Variants in MYOF observed in about 807,000 individuals in gnomAD.
The protein encoded by MYOF is myoferlin, also known as fer-1-like 3, myoferlin.
In MYOF, 244 loss-of-function variants were observed where a neutral mutation model predicts 284.2. That is an observed-to-expected ratio of 0.86 (90% CI 0.77 to 0.95). MYOF has a LOEUF of 0.95. Ranked by LOEUF, MYOF falls within the 40% of genes least tolerant of loss-of-function variation. MYOF has a pLI of 0.00. For missense variants in MYOF, 2,496 were observed against 2,560.6 expected (o/e 0.97, Z 0.54); for synonymous variants, 904 against 919.7 (o/e 0.98, Z 0.31).
At chr10:93,481,767 G>GA (rs202242571) in intron 1 of MYOF, among the ~76,000 whole-genome samples, 24 of 152,240 alleles carry the variant, frequency 1.6e-4, no homozygotes, top group East Asian at 3.9e-4. Context: ...CACAGGCAGA[G>GA]AAAAAATGCA....
intron 48 of MYOF, among the ~76,000 whole-genome samples, chr10:93,321,855 A>G (rs1289132598): frequency 6.6e-6 from 1 of 152,192 alleles, no homozygotes; most frequent in African/African-American, 2.4e-5. Context: ...AGCACTAGGC[A>G]TGGTATTTAT....
At chr10:93,356,245 G>A (rs544336742) in intron 30 of MYOF, among the ~76,000 whole-genome samples, 77 of 152,076 alleles carry the variant, frequency 5.1e-4, no homozygotes, top group Middle Eastern at 3.4e-3. Context: ...ATGTTCTTCC[G>A]TATTGCTCTC....
At chr10:93,439,015 A>C (rs2134249711) in intron 3 of MYOF, among the ~76,000 whole-genome samples, 1 of 152,306 alleles carries the variant, frequency 6.6e-6, no homozygotes, top group African/African-American at 2.4e-5. Flanking sequence ...CCTGGCTGGC[A>C]CAAGTCTCGC....
chr10:93,417,050 C>T (rs927658824), intron 5 of MYOF, among the ~76,000 whole-genome samples: 1 of 152,188 alleles, frequency 6.6e-6, no homozygotes, highest in Non-Finnish European at 1.5e-5. Flanking sequence ...GATAGTGGAG[C>T]CAATGCTCAA....
chr10:93,317,770 A>G (rs747515347), intron 49 of MYOF, among the ~76,000 whole-genome samples: 1 of 152,240 alleles, frequency 6.6e-6, no homozygotes, highest in Non-Finnish European at 1.5e-5. Flanking sequence ...ATTGCCTCAG[A>G]CAATGTTAAC....
At chr10:93,463,383 C>T (rs184150428) in intron 1 of MYOF, among the ~76,000 whole-genome samples, 12 of 142,434 alleles carry the variant, frequency 8.4e-5, no homozygotes, top group South Asian at 4.6e-4. Flanking sequence ...AGTGAGACTT[C>T]GTCTCTACAA....
intron 5 of MYOF, among the ~76,000 whole-genome samples, chr10:93,418,649 T>G (rs1312048624): frequency 1.3e-5 from 2 of 152,236 alleles, no homozygotes; most frequent in Non-Finnish European, 2.9e-5. Flanking sequence ...AATGTACGAC[T>G]GCAGCGTTTC....
chr10:93,365,701 C>T (rs777044346), intron 26 of MYOF, among the ~76,000 whole-genome samples: 17 of 152,180 alleles, frequency 1.1e-4, no homozygotes, highest in Middle Eastern at 3.2e-3. Context: ...TCTTGTGTTT[C>T]TGCGCATCTT....
chr10:93,450,317 A>G (rs2056555131), intron 3 of MYOF, among the ~76,000 whole-genome samples: 1 of 152,226 alleles, frequency 6.6e-6, no homozygotes, highest in East Asian at 1.9e-4. Context: ...ACTCGAACCT[A>G]GGAGTCTGAG....
At chr10:93,423,991 C>A (rs139005229) in intron 5 of MYOF, among the ~76,000 whole-genome samples, 1 of 151,994 alleles carries the variant, frequency 6.6e-6, no homozygotes, top group Non-Finnish European at 1.5e-5. Context: ...ACTGGGGTGA[C>A]GCATCTACAA....
intron 50 of MYOF, among the ~76,000 whole-genome samples, chr10:93,313,909 CAA>C (rs915590069): frequency 4.0e-5 from 6 of 151,724 alleles, no homozygotes; most frequent in Non-Finnish European, 7.4e-5. Flanking sequence ...TCAAAAAAAA[CAA>C]AACAGAAAAC....
intron 45 of MYOF, 43 bp downstream of exon 45, chr10:93,328,720 A>T: frequency 6.3e-7 from 1 of 1,581,036 alleles, no homozygotes; most frequent in South Asian, 1.1e-5. Flanking sequence ...TATATGGGTT[A>T]CTATACTTTG....
In MYOF at chr10:93,408,879, C is replaced by T; in HGVS notation, c.637G>A (p.Gly213Ser). ...VRVIEGRQLS[G>S]NNIRPVVKVH... The stretch of plus-strand genomic sequence containing the variant: ...TTGACCACAGGCCTTATGTTGTTAC[C>T]ACTTAACTGTCGGCCCTCAATCACT... Residue 213 changes from glycine (G) to serine (S), a missense_variant, in exon 7 of 54, where the codon GGT becomes AGT. By Grantham distance (56) the Gly-to-Ser change is moderately conservative (BLOSUM62 0). Coordinates refer to ENST00000359263, the MANE Select transcript of MYOF (RefSeq NM_013451.4). 1 of 1,614,196 alleles carries T rather than the reference C, an allele frequency of 6.2e-7. No individual in the cohort carries two copies.
At chr10:93,364,563 G>A (rs2133940165) in intron 26 of MYOF, among the ~76,000 whole-genome samples, 1 of 152,246 alleles carries the variant, frequency 6.6e-6, no homozygotes, top group South Asian at 2.1e-4. Flanking sequence ...CAAACTGAAG[G>A]GAGGAGTTTA....
rs1843213554 is a variant in MYOF, at chr10:93,329,621, T to A, written c.4982+43A>T. ...GCCTAGGCCTCCCCAGGTGCCAATG[T>A]CAGAGGCAGCAAAGTGCCTCTTGTA... On this transcript the variant is annotated intron_variant, in intron 44 of 53. Coordinates refer to ENST00000359263, the MANE Select transcript of MYOF (RefSeq NM_013451.4). 10 of 1,607,172 alleles carry A rather than the reference T, an allele frequency of 6.2e-6. No individual in the cohort carries two copies. The East Asian group carries it at 2.2e-4, about 36-fold the overall frequency.
chr10:93,386,519 GT>G (rs1846372932), intron 19 of MYOF, among the ~76,000 whole-genome samples: 1 of 152,222 alleles, frequency 6.6e-6, no homozygotes, highest in African/African-American at 2.4e-5. Context: ...TGCTGCTGTG[GT>G]GATGCTAGGT....
chr10:93,450,178 G>A (rs1159549069), intron 3 of MYOF, among the ~76,000 whole-genome samples: 2 of 152,154 alleles, frequency 1.3e-5, no homozygotes, highest in Admixed American at 6.5e-5. Flanking sequence ...CAGATCATGA[G>A]GTCAGGAGTT....
chr10:93,369,893 T>A, intron 24 of MYOF, 117 bp from the exon 25 acceptor site: 1 of 1,316,502 alleles, frequency 7.6e-7, no homozygotes, highest in Non-Finnish European at 1.0e-6. Context: ...TCTAATTTTA[T>A]GTTTGCTTCA....
intron 32 of MYOF, among the ~76,000 whole-genome samples, chr10:93,352,816 A>G (rs537112523): frequency 9.2e-5 from 14 of 152,318 alleles, no homozygotes; most frequent in Middle Eastern, 3.4e-3. Flanking sequence ...TTTAACTTTC[A>G]GTGATAGAGT....
Sources: allele counts gnomAD v4.1 joint callset (sites outside exome capture counted in the v4.1 genomes callset), GRCh38; gene constraint gnomAD v4.1.1; transcripts MANE v1.5; gene names NCBI Gene and HGNC (gene_info 2026-07-23, HGNC 2026-07-21).